The following KPNA5 variants were observed in gnomAD, a reference collection of about 807,000 sequenced individuals.
The protein encoded by KPNA5 is karyopherin subunit alpha 5, also known as importin subunit alpha-6.
Under a neutral mutation model 71.3 loss-of-function variants are expected in KPNA5, and 46 were observed. The observed-to-expected ratio is 0.65, with a 90% CI of 0.51 to 0.83. The LOEUF is 0.83. Ranked by LOEUF, KPNA5 falls within the 40% of genes least tolerant of loss-of-function variation. The pLI is 0.00. For missense variants in KPNA5, 547 were observed against 628.3 expected, an observed-to-expected ratio of 0.87 and a Z score of 1.38; for synonymous variants, 207 against 201.4, an observed-to-expected ratio of 1.03 and a Z score of -0.24.
At chr6:116,700,465 TAAAC>T (rs57527332) in intron 5 of KPNA5, among the ~76,000 whole-genome samples, 27,755 of 151,726 alleles carry the variant, frequency 0.18, 2,694 homozygotes, top group East Asian at 0.3. Flanking sequence ...TCTAAATAAA[TAAAC>T]AAACAAACAA....
rs1429732617 is a variant in KPNA5 at position 116,737,114 on chromosome 6, A to T, written c.*4791A>T. On this transcript the variant is annotated 3_prime_UTR_variant, in exon 14 of 14. Transcript: ENST00000368564. Reference sequence around the variant, plus strand: ...GAATTTCCCATATTTGTTCTTCTTAACACAAGTTACTAGGGGAAAAAATGT... The same window carrying T: ...GAATTTCCCATATTTGTTCTTCTTATCACAAGTTACTAGGGGAAAAAATGT... 6.6e-6 allele frequency: 1 copy of T among 151,900 alleles called. No individual in the cohort carries two copies. The highest frequency in any genetic ancestry group is 1.5e-5 in the Non-Finnish European group (1 of 67,904). 9.4% of individuals were successfully genotyped at this position (151,900 alleles called of 1,614,324 possible). A position where few individuals can be genotyped will look rare whatever the true frequency, so the allele number is the denominator to read the frequency against.
chr6:116,736,449 C>CA lies in KPNA5; in HGVS notation c.*4127dup, dbSNP rs1364566530. The CA allele has an allele frequency of 1.3e-5, 2 of 151,950 alleles. No homozygotes were observed. The highest frequency in any genetic ancestry group is 2.9e-5 in the Non-Finnish European group (2 of 67,908). The allele number at this position is 151,950 out of a possible 1,614,324, so 9.4% of individuals were successfully genotyped here. On this transcript the variant is annotated 3_prime_UTR_variant, in exon 14 of 14. Coordinates refer to ENST00000368564, the MANE Select transcript of KPNA5 (RefSeq NM_001366306.2). Reference sequence around the variant, plus strand: ...AATAAATTCAGAGATGTGCTGCCATCACCATAAGCAAAAGTTCACTTTTTT... The same window carrying CA: ...AATAAATTCAGAGATGTGCTGCCATCAACCATAAGCAAAAGTTCACTTTTTT...
chr6:116,730,084 A>ATT lies in KPNA5; in HGVS notation c.1432+362_1432+363dup, dbSNP rs66651825. ...TACTATATATATATAAAAATATGTAATTTTTTTTTTTTTTTTTTTTGAGAC... is the reference window on the plus strand; with the variant it reads ...TACTATATATATATAAAAATATGTAATTTTTTTTTTTTTTTTTTTTTTGAGAC... On this transcript the variant is annotated intron_variant, in intron 13 of 13. Coordinates refer to ENST00000368564, the MANE Select transcript of KPNA5 (RefSeq NM_001366306.2). Among the ~76,000 whole-genome samples, 279 of 124,670 alleles carry ATT rather than the reference A, an allele frequency of 2.2e-3. 2 individuals carry two copies. Among genetic ancestry groups the ATT allele is most frequent in the African/African-American group, 3.9e-3 (131 of 33,320 alleles). The allele number at this position is 124,670 out of a possible 152,430, so 81.8% of individuals were successfully genotyped here.
At chr6:116,694,457 C>G (rs1383311758) in intron 4 of KPNA5, among the ~76,000 whole-genome samples, 2 of 151,996 alleles carry the variant, frequency 1.3e-5, no homozygotes, top group Non-Finnish European at 2.9e-5. Flanking sequence ...CTTCACATCC[C>G]TTGTAAGTTG....
intron 10 of KPNA5, among the ~76,000 whole-genome samples, chr6:116,725,313 A>T (rs1216776543): frequency 2.6e-5 from 4 of 152,236 alleles, no homozygotes; most frequent in Non-Finnish European, 4.4e-5. Flanking sequence ...AGAGTAAGAT[A>T]GTAAAAATTT....
intron 7 of KPNA5, among the ~76,000 whole-genome samples, chr6:116,709,318 C>G (rs543079290): frequency 2.0e-5 from 3 of 152,120 alleles, no homozygotes; most frequent in Admixed American, 1.3e-4. Flanking sequence ...TGCCTCAACT[C>G]TCCCAAGTAG....
At position 116,706,506 on chromosome 6, in the gene KPNA5, A is replaced by T. The variant is rs563973974; in HGVS notation, c.656+1346A>T. 1.8e-3 allele frequency among the ~76,000 whole-genome samples: 277 copies of T among 152,036 alleles called. 4 individuals carry two copies. Among genetic ancestry groups the T allele is most frequent in the African/African-American group, 6.4e-3 (267 of 41,474 alleles). On this transcript the variant is annotated intron_variant, in intron 7 of 13. Transcript: ENST00000368564. ...GGAGTTCGAGACCAGCCTGACCAAC[A>T]TGGAGAAACCCCGTCTCTACTGAAA...
intron 7 of KPNA5, among the ~76,000 whole-genome samples, chr6:116,705,674 A>G (rs760850918): frequency 6.6e-6 from 1 of 152,150 alleles, no homozygotes; most frequent in Non-Finnish European, 1.5e-5. Flanking sequence ...TATAGAAATG[A>G]CATAAAATTT....
chr6:116,709,494 AGCCTGT>A (rs1778570897), intron 7 of KPNA5, among the ~76,000 whole-genome samples: 1 of 152,216 alleles, frequency 6.6e-6, no homozygotes, highest in Non-Finnish European at 1.5e-5. Flanking sequence ...ATTGCACTCT[AGCCTGT>A]GCAACATGGT....
Position 116,739,005 on chromosome 6 carries a change from A to G in KPNA5, c.*6682A>G, listed in dbSNP as rs2114528645. 6.6e-6 allele frequency: 1 copy of G among 151,732 alleles called. No individual in the cohort carries two copies. 9.4% of individuals were successfully genotyped at this position (151,732 alleles called of 1,614,324 possible). On this transcript the variant is annotated 3_prime_UTR_variant, in exon 14 of 14. Coordinates refer to ENST00000368564, the MANE Select transcript of KPNA5 (RefSeq NM_001366306.2). ...TAGTGTTGGAAGTTCTGGCCAGGGCAATTAGGCAGGAGAAGGAAATAAAGG... is the reference window on the plus strand; with the variant it reads ...TAGTGTTGGAAGTTCTGGCCAGGGCGATTAGGCAGGAGAAGGAAATAAAGG...
At chr6:116,698,602 AC>A in intron 4 of KPNA5, 101 bp from the exon 5 acceptor site, 1 of 643,240 alleles carries the variant, frequency 1.6e-6, no homozygotes, top group Non-Finnish European at 2.7e-6. Context: ...GGTCAGGGAA[AC>A]CTAGGAAAGA....
rs1043663824 is a variant in KPNA5 at position 116,737,077 on chromosome 6, T to A, written c.*4754T>A. 2 of 152,008 alleles carry A rather than the reference T, an allele frequency of 1.3e-5. No homozygotes were observed. The allele number at this position is 152,008 out of a possible 1,614,324, so 9.4% of individuals were successfully genotyped here. On this transcript the variant is annotated 3_prime_UTR_variant, in exon 14 of 14. Transcript: ENST00000368564. ...TATTTTTCATTTGCATGCGTTTACA[T>A]GTTTGGATATTGAATTTCCCATATT...
chr6:116,693,045 T>C lies in KPNA5; in HGVS notation c.340+653T>C, dbSNP rs1777867520. Among the ~76,000 whole-genome samples the C allele has an allele frequency of 5.3e-5, 8 of 152,334 alleles. No individual in the cohort carries two copies. The South Asian group carries it at 1.7e-3, about 32-fold the overall frequency. On this transcript the variant is annotated intron_variant, in intron 4 of 13. Coordinates refer to ENST00000368564, the MANE Select transcript of KPNA5 (RefSeq NM_001366306.2). Reference sequence around the variant, plus strand: ...ATGATGGTTTCCAGCTTCATCCATGTCCCTACAAAGGACATGAACTCATCC... The same window carrying C: ...ATGATGGTTTCCAGCTTCATCCATGCCCCTACAAAGGACATGAACTCATCC...
chr6:116,681,705 C>G (rs956580371), intron 1 of KPNA5, among the ~76,000 whole-genome samples: 1 of 152,178 alleles, frequency 6.6e-6, no homozygotes, highest in Non-Finnish European at 1.5e-5. Flanking sequence ...CTGTGTCCAG[C>G]AGCTTATGGA....
At chr6:116,700,536 A>G (rs1361750372) in intron 5 of KPNA5, among the ~76,000 whole-genome samples, 1 of 152,178 alleles carries the variant, frequency 6.6e-6, no homozygotes, top group Non-Finnish European at 1.5e-5. Flanking sequence ...ATTAAAAACT[A>G]TAGAAATTCA....
rs1778740181 is a variant in KPNA5, at chr6:116,712,554, C to T, written c.657-3665C>T. ...GTTTAATATATTCTGCCAGTTACTA[C>T]TTTTAATTTGAGAGTTTAATTCATT... On this transcript the variant is annotated intron_variant, in intron 7 of 13. Coordinates refer to ENST00000368564, the MANE Select transcript of KPNA5 (RefSeq NM_001366306.2). Among the ~76,000 whole-genome samples, 6 of 152,160 alleles carry T rather than the reference C, an allele frequency of 3.9e-5. No individual in the cohort carries two copies. The South Asian group carries it at 1.2e-3, about 31-fold the overall frequency.
chr6:116,715,705 C>T (rs776411200), intron 7 of KPNA5, among the ~76,000 whole-genome samples: 15 of 151,908 alleles, frequency 9.9e-5, no homozygotes, highest in Admixed American at 4.6e-4. Flanking sequence ...ATCACGAGGT[C>T]GGGAGTTGAA....
Position 116,724,348 on chromosome 6 carries a change from T to C in KPNA5, c.972T>C (p.Ile324=). 1 of 1,611,166 alleles carries C rather than the reference T, an allele frequency of 6.2e-7. No individual in the cohort carries two copies. Among genetic ancestry groups the C allele is most frequent in the East Asian group, 2.2e-5 (1 of 44,810 alleles). ...VSPALRAVGN[I]VTGDDIQTQV... is the part of the protein sequence containing the mutation. Reference sequence around the variant, plus strand: ...CTGCATTAAGGGCAGTTGGTAATATTGTGACTGGTGATGATATTCAAACAC... The same window carrying C: ...CTGCATTAAGGGCAGTTGGTAATATCGTGACTGGTGATGATATTCAAACAC... The change falls in exon 10 of 14, where the codon ATT becomes ATC. Residue 324 remains isoleucine (I), a synonymous_variant. Coordinates refer to ENST00000368564, the MANE Select transcript of KPNA5 (RefSeq NM_001366306.2).
chr6:116,707,920 G>A (rs996910662), intron 7 of KPNA5, among the ~76,000 whole-genome samples: 6 of 152,058 alleles, frequency 3.9e-5, no homozygotes, highest in African/African-American at 1.2e-4. Context: ...GTCACATCCC[G>A]TTTTGCCATC....
Sources: allele counts gnomAD v4.1 joint callset (sites outside exome capture counted in the v4.1 genomes callset), GRCh38; gene constraint gnomAD v4.1.1; transcripts MANE v1.5; gene names NCBI Gene and HGNC (gene_info 2026-07-23, HGNC 2026-07-21).